The following CNTN4 variants were observed in gnomAD, a reference collection of about 807,000 sequenced individuals.
CNTN4 encodes the protein contactin 4, also known as contactin-4.
A neutral mutation model predicts 122.5 loss-of-function variants in CNTN4; 77 were observed. That is an observed-to-expected ratio of 0.63 (90% CI 0.52 to 0.76). The LOEUF (loss-of-function observed/expected upper bound fraction) is 0.76. Ranked by LOEUF, CNTN4 falls within the 30% of genes least tolerant of loss-of-function variation. The pLI is 0.00. For missense variants in CNTN4, 1,256 were observed against 1,259.1 expected, an observed-to-expected ratio of 1.00 and a Z score of 0.04; for synonymous variants, 512 against 447.0, an observed-to-expected ratio of 1.15 and a Z score of -1.83.
chr3:2,484,782 C>T (rs1355785935), intron 3 of CNTN4, among the ~76,000 whole-genome samples: 1 of 152,228 alleles, frequency 6.6e-6, no homozygotes, highest in Non-Finnish European at 1.5e-5. Flanking sequence ...TCGCTCTCCG[C>T]ACCTCCTCAG....
intron 18 of CNTN4, 50 bp from the exon 19 acceptor site, chr3:3,038,883 T>A: frequency 6.5e-7 from 1 of 1,527,912 alleles, no homozygotes; most frequent in Non-Finnish European, 9.1e-7. Flanking sequence ...TTCCTGGCCC[T>A]CATTCGCCTT....
intron 2 of CNTN4, among the ~76,000 whole-genome samples, chr3:2,154,960 C>T (rs1375378009): frequency 6.6e-6 from 1 of 152,218 alleles, no homozygotes; most frequent in African/African-American, 2.4e-5. Flanking sequence ...AGAAAAACAC[C>T]AGTGTCCTAA....
chr3:2,410,182 G>T (rs993193702), intron 3 of CNTN4, among the ~76,000 whole-genome samples: 2 of 151,976 alleles, frequency 1.3e-5, no homozygotes, highest in Non-Finnish European at 2.9e-5. Flanking sequence ...TGTTATCTTG[G>T]CCAATGTAAG....
intron 3 of CNTN4, among the ~76,000 whole-genome samples, chr3:2,545,259 C>T (rs2078196426): frequency 6.6e-6 from 1 of 151,792 alleles, no homozygotes; most frequent in African/African-American, 2.4e-5. Context: ...TTTGCATTTG[C>T]CTGAGGATTG....
chr3:2,982,099 T>C (rs944144702), intron 13 of CNTN4, among the ~76,000 whole-genome samples: 1 of 152,218 alleles, frequency 6.6e-6, no homozygotes, highest in East Asian at 1.9e-4. Context: ...ATACTTAGCC[T>C]TTATATGCAG....
At chr3:2,380,592 A>G (rs2045981236) in intron 3 of CNTN4, among the ~76,000 whole-genome samples, 1 of 152,124 alleles carries the variant, frequency 6.6e-6, no homozygotes, top group Non-Finnish European at 1.5e-5. Flanking sequence ...CTTTACACTG[A>G]GTAGATCTAA....
chr3:2,342,917 A>T (rs2044262077), intron 3 of CNTN4, among the ~76,000 whole-genome samples: 1 of 152,162 alleles, frequency 6.6e-6, no homozygotes. Flanking sequence ...GTTTCCAGAA[A>T]CTAAGGAGAG....
At chr3:2,333,085 A>T (rs903068153) in intron 2 of CNTN4, among the ~76,000 whole-genome samples, 12 of 152,086 alleles carry the variant, frequency 7.9e-5, no homozygotes, top group African/African-American at 2.9e-4. Context: ...TAATTATGTT[A>T]CATCAAGACA....
intron 2 of CNTN4, among the ~76,000 whole-genome samples, chr3:2,292,381 C>G (rs1422091848): frequency 3.3e-5 from 5 of 152,130 alleles, no homozygotes. Flanking sequence ...TATTTGTTAA[C>G]TTGAATAAGT....
chr3:2,985,547 G>C (rs1694474851), intron 13 of CNTN4: 1 of 152,350 alleles, frequency 6.6e-6, no homozygotes, highest in South Asian at 2.1e-4. Context: ...GCAATGGTTA[G>C]GCCTAGCAGT....
At position 2,625,384 on chromosome 3, in the gene CNTN4, A is replaced by G. The variant is rs113459129; in HGVS notation, c.55+53826A>G. Among the ~76,000 whole-genome samples, 458 of 152,354 alleles carry G rather than the reference A, an allele frequency of 3.0e-3. 5 individuals carry two copies. The highest frequency in any genetic ancestry group is 1.0e-2 in the African/African-American group (415 of 41,578). On this transcript the variant is annotated intron_variant, in intron 4 of 24. Coordinates refer to ENST00000418658, the MANE Select transcript of CNTN4 (RefSeq NM_175607.3). The stretch of plus-strand genomic sequence containing the variant: ...CTTACAAAGTATACCTAAGGTATAA[A>G]GAATAACTATGTAACAGATACTTAA...
intron 2 of CNTN4, among the ~76,000 whole-genome samples, chr3:2,328,420 T>TA (rs924340605): frequency 6.6e-6 from 1 of 152,118 alleles, no homozygotes; most frequent in Non-Finnish European, 1.5e-5. Context: ...AATAAAAAAA[T>TA]AAAAAACACA....
intron 3 of CNTN4, among the ~76,000 whole-genome samples, chr3:2,527,409 A>G (rs2077435778): frequency 6.7e-6 from 1 of 149,940 alleles, no homozygotes; most frequent in Non-Finnish European, 1.5e-5. Context: ...GGAACAATGT[A>G]TGCTGCTGCT....
chr3:2,544,399 A>G (rs760981032), intron 3 of CNTN4, among the ~76,000 whole-genome samples: 5 of 152,140 alleles, frequency 3.3e-5, no homozygotes, highest in Non-Finnish European at 5.9e-5. Flanking sequence ...GTTGAATAGA[A>G]TATTGCCCAG....
chr3:2,863,140 C>T (rs887557668), intron 7 of CNTN4, among the ~76,000 whole-genome samples: 1 of 152,160 alleles, frequency 6.6e-6, no homozygotes, highest in African/African-American at 2.4e-5. Context: ...ATTCTCATTA[C>T]ATTATATTCC....
At chr3:2,418,311 A>G (rs548981682) in intron 3 of CNTN4, among the ~76,000 whole-genome samples, 57 of 149,538 alleles carry the variant, frequency 3.8e-4, no homozygotes, top group African/African-American at 1.3e-3. Flanking sequence ...TAGAAAAAAT[A>G]AAGTCTGTTA....
intron 7 of CNTN4, among the ~76,000 whole-genome samples, chr3:2,850,611 C>G (rs2093533424): frequency 6.6e-6 from 1 of 152,080 alleles, no homozygotes; most frequent in Non-Finnish European, 1.5e-5. Flanking sequence ...TCAAAACTCC[C>G]CCGCAGGTTT....
At chr3:2,482,129 A>G (rs1369458334) in intron 3 of CNTN4, among the ~76,000 whole-genome samples, 2 of 152,144 alleles carry the variant, frequency 1.3e-5, no homozygotes, top group African/African-American at 4.8e-5. Flanking sequence ...AAAATTTGGA[A>G]CTTCCTAGAG....
intron 4 of CNTN4, among the ~76,000 whole-genome samples, chr3:2,713,250 T>C (rs998294644): frequency 2.6e-4 from 39 of 152,272 alleles, no homozygotes; most frequent in African/African-American, 8.7e-4. Context: ...AATTCATTGC[T>C]CACTTGGTGG....
Sources: allele counts gnomAD v4.1 joint callset (sites outside exome capture counted in the v4.1 genomes callset), GRCh38; gene constraint gnomAD v4.1.1; transcripts MANE v1.5; gene names NCBI Gene and HGNC (gene_info 2026-07-23, HGNC 2026-07-21).